CHD8: variants seen among roughly 807,000 people sequenced by gnomAD.
CHD8 encodes the protein chromodomain helicase DNA binding protein 8.
CHD8 carries 31 observed loss-of-function variants against 279.2 expected under a neutral mutation model. That is an observed-to-expected ratio of 0.11 (90% CI 0.08 to 0.15). CHD8 has a LOEUF of 0.15. Among genes scored for constraint, CHD8 ranks in the 10% least tolerant of loss-of-function variants. CHD8 has a pLI of 1.00. For missense variants in CHD8, 2,146 were observed against 3,230.5 expected (o/e 0.66, Z 8.14); for synonymous variants, 1,081 against 1,139.6 (o/e 0.95, Z 1.04).
Position 21,446,082 on chromosome 14 carries a change from C to T in CHD8, c.-216+9950G>A, listed in dbSNP as rs151248252. Among the ~76,000 whole-genome samples, 901 of 152,192 alleles carry T rather than the reference C, an allele frequency of 5.9e-3. 3 individuals carry two copies. Among genetic ancestry groups the T allele is most frequent in the African/African-American group, 0.019 (777 of 41,538 alleles). On this transcript the variant is annotated intron_variant, in intron 1 of 37. Transcript: ENST00000646647. ...TGGCAGGCACCTGTAATCCCAGCTA[C>T]TTGGGAGGCTGAGGCAGAAGAATTG...
chr14:21,393,460 T>A lies in CHD8; in HGVS notation c.6319+16A>T, dbSNP rs1161678001. The A allele has an allele frequency of 3.2e-6, 5 of 1,542,162 alleles. No homozygotes were observed. The Admixed American group carries it at 1.0e-4, about 31-fold the overall frequency. On this transcript the variant is annotated intron_variant, in intron 32 of 37. Transcript: ENST00000646647. ...GAAATAGGGAAGGGGGCCAACAGCCTGTCACATGCACTCACTTAGCTTCTC... is the reference window on the plus strand; with the variant it reads ...GAAATAGGGAAGGGGGCCAACAGCCAGTCACATGCACTCACTTAGCTTCTC...
chr14:21,425,357 C>A (rs1048825351), intron 5 of CHD8: 1 of 148,224 alleles, frequency 6.7e-6, no homozygotes, highest in Non-Finnish European at 1.5e-5. Context: ...CAGAGACTCG[C>A]TCTGTTGCCC....
chr14:21,431,499 T>A lies in CHD8; in HGVS notation c.145A>T (p.Met49Leu). ...TCACCACCTCCACCATCCTGGTTCATCTGATCCAAGGAGTCCAGAGAGCTT... is the reference window on the plus strand; with the variant it reads ...TCACCACCTCCACCATCCTGGTTCAACTGATCCAAGGAGTCCAGAGAGCTT... ...LPSSLDSLDQ[M>L]NQDGGGGDVG... Residue 49 changes from methionine (M) to leucine (L), a missense_variant, in exon 2 of 38, where the codon ATG becomes TTG. Transcript: ENST00000646647. 6.5e-7 allele frequency: 1 copy of A among 1,537,224 alleles called. No individual in the cohort carries two copies. The highest frequency in any genetic ancestry group is 8.7e-7 in the Non-Finnish European group (1 of 1,146,880).
In CHD8 at chr14:21,403,668, C is replaced by G; in HGVS notation, c.3308-5G>C. ...TTAGGATTTTTTCTTCAGCACCTGC[C>G]AAAAGAAAAATCAAATTATGTTGAG... On this transcript the variant is annotated splice_polypyrimidine_tract_variant and splice_region_variant and intron_variant, in intron 16 of 37. Coordinates refer to ENST00000646647, the MANE Select transcript of CHD8 (RefSeq NM_001170629.2). The surrounding 1 kb of genome is among the most constrained non-coding windows in gnomAD (Gnocchi z 4.3). The G allele has an allele frequency of 2.5e-6, 4 of 1,570,208 alleles. No homozygotes were observed. The highest frequency in any genetic ancestry group is 3.5e-6 in the Non-Finnish European group (4 of 1,156,202).
chr14:21,405,555 C>T lies in CHD8; in HGVS notation c.3052-91G>A. ...GAAACATGGAAAAATTAGAGTTTTC[C>T]ACTATCTAAGAAATGTATACTTTGG... On this transcript the variant is annotated intron_variant, in intron 15 of 37. Coordinates refer to ENST00000646647, the MANE Select transcript of CHD8 (RefSeq NM_001170629.2). This position sits in a 1 kb window ranked among gnomAD's most constrained non-coding sequence, Gnocchi z 4.2. The T allele has an allele frequency of 2.6e-6, 4 of 1,518,372 alleles. No individual in the cohort carries two copies. The highest frequency in any genetic ancestry group is 3.6e-6 in the Non-Finnish European group (4 of 1,125,292). 94.1% of individuals were successfully genotyped at this position (1,518,372 alleles called of 1,614,324 possible). A position where few individuals can be genotyped will look rare whatever the true frequency, so the allele number is the denominator to read the frequency against.
intron 5 of CHD8, among the ~76,000 whole-genome samples, chr14:21,422,052 A>T (rs1889068565): frequency 6.6e-6 from 1 of 152,124 alleles, no homozygotes; most frequent in African/African-American, 2.4e-5. Flanking sequence ...AAGGAAATAA[A>T]TGTCCAGGCC....
Position 21,441,966 on chromosome 14 carries a change from G to A in CHD8, c.-215-10108C>T, listed in dbSNP as rs565011867. Among the ~76,000 whole-genome samples the A allele has an allele frequency of 2.6e-5, 4 of 152,324 alleles. 1 individual carries two copies. Among genetic ancestry groups the A allele is most frequent in the African/African-American group, 9.6e-5 (4 of 41,568 alleles). ...GTATGTTAAGTAGTGACATTCAGTA[G>A]GAGGTTGGCTGTATGAGCCTAAAAG... On this transcript the variant is annotated intron_variant, in intron 1 of 37. Coordinates refer to ENST00000646647, the MANE Select transcript of CHD8 (RefSeq NM_001170629.2).
At chr14:21,436,757 A>T in intron 1 of CHD8, 2 of 363,442 alleles carry the variant, frequency 5.5e-6, no homozygotes, top group South Asian at 4.1e-5. Context: ...CGACAGCTAA[A>T]GACATGTATT....
chr14:21,403,102 C>A lies in CHD8; in HGVS notation c.3629G>T (p.Arg1210Leu). The change falls in exon 18 of 38, where the codon CGG (arginine) becomes CTG (leucine). Residue 1210 changes from arginine (R) to leucine (L), a missense_variant. Physicochemically the swap from Arg to Leu is moderately radical, Grantham distance 102. Around this residue, in one of 26 missense-constraint regions of CHD8, gnomAD observed 48 missense variants for 135.7 expected, o/e 0.35. Coordinates refer to ENST00000646647, the MANE Select transcript of CHD8 (RefSeq NM_001170629.2). This position sits in a 1 kb window ranked among gnomAD's most constrained non-coding sequence, Gnocchi z 4.3. ...SDRFVFLLCT[R>L]AGGLGINLTA... ...AAGATTAATACCAAGTCCACCAGCCCGGGTACACAGTAAGAAGACAAAGCG... is the reference window on the plus strand; with the variant it reads ...AAGATTAATACCAAGTCCACCAGCCAGGGTACACAGTAAGAAGACAAAGCG... The A allele has an allele frequency of 6.2e-7, 1 of 1,613,994 alleles. No individual in the cohort carries two copies. The highest frequency in any genetic ancestry group is 8.5e-7 in the Non-Finnish European group (1 of 1,179,888).
At chr14:21,391,086 T>C in intron 36 of CHD8, 23 bp from the exon 37 acceptor site, 1 of 1,395,734 alleles carries the variant, frequency 7.2e-7, no homozygotes, top group South Asian at 1.2e-5. Flanking sequence ...AAATCAGTTA[T>C]CCTAGAGGAA....
chr14:21,394,142 G>A lies in CHD8; in HGVS notation c.5653C>T (p.Arg1885Trp), dbSNP rs367623084. 33 of 1,610,074 alleles carry A rather than the reference G, an allele frequency of 2.0e-5. No homozygotes were observed. The highest frequency in any genetic ancestry group is 1.6e-4 in the Middle Eastern group (1 of 6,078). The change falls in exon 32 of 38, where the codon CGG becomes TGG. Residue 1885 changes from arginine to tryptophan, a missense_variant. Physicochemically the swap from Arg to Trp is moderately radical, Grantham distance 101 (BLOSUM62 -3). Transcript: ENST00000646647. ...IEPITEERAS[R>W]TLYRIELLRR... ...AGCAATTCTATACGGTAGAGAGTCC[G>A]TGAGGCTCTCTCCTCAGTGATGGGC...
At chr14:21,397,633 C>T (rs778677706) in intron 27 of CHD8, 190 bp downstream of exon 27, 25 of 563,692 alleles carry the variant, frequency 4.4e-5, no homozygotes, top group Non-Finnish European at 6.3e-5. Flanking sequence ...TTCATTTTCA[C>T]CCTCAGATGT....
At chr14:21,437,358 G>C (rs573780348) in intron 1 of CHD8, 19 of 812,506 alleles carry the variant, frequency 2.3e-5, no homozygotes, top group East Asian at 1.7e-4. Flanking sequence ...ACAGCGCAAA[G>C]GGTGGGACTA....
intron 21 of CHD8, 116 bp downstream of exon 21, chr14:21,401,287 G>A (rs1328736019): frequency 2.6e-6 from 2 of 763,962 alleles, no homozygotes; most frequent in African/African-American, 3.5e-5. Flanking sequence ...AACAGCCCTT[G>A]TATACAATAC....
chr14:21,429,725 C>T (rs1889485038), intron 2 of CHD8: 1 of 331,062 alleles, frequency 3.0e-6, no homozygotes, highest in Non-Finnish European at 6.0e-6. Flanking sequence ...ACACCACAGC[C>T]CAGAACTCCT....
In CHD8 at chr14:21,402,952, TCC is replaced by T. The variant is rs1393681323; in HGVS notation, c.3714+63_3714+64del. 1 of 1,351,420 alleles carries T rather than the reference TCC, an allele frequency of 7.4e-7. No individual in the cohort carries two copies. Among genetic ancestry groups the T allele is most frequent in the Non-Finnish European group, 1.0e-6 (1 of 969,764 alleles). The allele number at this position is 1,351,420 out of a possible 1,614,324, so 83.7% of individuals were successfully genotyped here. A position where few individuals can be genotyped will look rare whatever the true frequency, so the allele number is the denominator to read the frequency against. On this transcript the variant is annotated intron_variant, in intron 18 of 37. Transcript: ENST00000646647. This position sits in a 1 kb window ranked among gnomAD's most constrained non-coding sequence, Gnocchi z 4.5. The stretch of plus-strand genomic sequence containing the variant: ...CTCTGTGAAAGGTCTTTCTAAAAGA[TCC>T]TATTCTTGTTGAAAAATCTCCCAAG...
At position 21,405,891 on chromosome 14, in the gene CHD8, A is replaced by C. The variant is rs1888233627; in HGVS notation, c.2908-27T>G. On this transcript the variant is annotated intron_variant, in intron 14 of 37. Transcript: ENST00000646647. This position sits in a 1 kb window ranked among gnomAD's most constrained non-coding sequence, Gnocchi z 4.2. ...TAGAAATGGAGGAAACAAAAGAATA[A>C]AATTTAAAAACATGAAGGACTTCTG... is the stretch of plus-strand genomic sequence containing the variant. 6.3e-7 allele frequency: 1 copy of C among 1,590,658 alleles called. No individual in the cohort carries two copies. Among genetic ancestry groups the C allele is most frequent in the Non-Finnish European group, 8.5e-7 (1 of 1,169,690 alleles).
chr14:21,413,254 C>CTTCTTGTA (rs1446010550), intron 9 of CHD8, among the ~76,000 whole-genome samples: 1 of 152,174 alleles, frequency 6.6e-6, no homozygotes, highest in African/African-American at 2.4e-5. Context: ...CTGTTCATTG[C>CTTCTTGTA]TTCTTGTATT....
At position 21,408,844 on chromosome 14, in the gene CHD8, GA is replaced by G; in HGVS notation, c.2365-20del. The G allele has an allele frequency of 1.3e-6, 2 of 1,597,310 alleles. No individual in the cohort carries two copies. The highest frequency in any genetic ancestry group is 1.7e-5 in the Admixed American group (1 of 57,382). On this transcript the variant is annotated intron_variant, in intron 11 of 37. Transcript: ENST00000646647. This position sits in a 1 kb window ranked among gnomAD's most constrained non-coding sequence, Gnocchi z 4.3. The stretch of plus-strand genomic sequence containing the variant: ...GACGATTCTAAAAAACAAGACGTTT[GA>G]ATAAATGGAGTGGAGACATTATCAA...
Sources: allele counts gnomAD v4.1 joint callset (sites outside exome capture counted in the v4.1 genomes callset), GRCh38; gene constraint gnomAD v4.1.1; regional missense constraint gnomAD v4.1.1; non-coding constraint Gnocchi (gnomAD v3.1); transcripts MANE v1.5; gene names NCBI Gene and HGNC (gene_info 2026-07-23, HGNC 2026-07-21).